The following CNTLN variants were observed in gnomAD, a reference collection of about 807,000 sequenced individuals.
CNTLN encodes centlein, centrosomal protein.
Under a neutral mutation model 180.0 loss-of-function variants are expected in CNTLN, and 212 were observed. The ratio of observed to expected loss-of-function variants is 1.18; its 90% confidence interval spans 1.05 to 1.32. The LOEUF (loss-of-function observed/expected upper bound fraction) is 1.32. Among genes scored for constraint, CNTLN ranks in the 40% most tolerant of loss-of-function variants. The pLI is 0.00. For missense variants in CNTLN, 2,095 were observed against 1,610.9 expected (o/e 1.30, Z -5.14); for synonymous variants, 722 against 563.1 (o/e 1.28, Z -3.99).
At position 17,143,299 on chromosome 9, in the gene CNTLN, A is replaced by G; in HGVS notation, c.372A>G (p.Glu124=). The change falls in exon 2 of 26, where the codon GAA becomes GAG. Residue 124 remains glutamate, a synonymous_variant. Transcript: ENST00000380647. ...TTTATTTCTTTAAGGCTGATAAAGA[A>G]TTTGTATGGTCTTTGTGGAAACGTC... is the stretch of plus-strand genomic sequence containing the variant. The part of the protein sequence containing the change: ...EELALCQADK[E]FVWSLWKRLQ... 6.2e-7 allele frequency: 1 copy of G among 1,612,680 alleles called. No homozygotes were observed. The highest frequency in any genetic ancestry group is 8.5e-7 in the Non-Finnish European group (1 of 1,179,098).
At chr9:17,269,174 T>C (rs1827752885) in intron 5 of CNTLN, among the ~76,000 whole-genome samples, 1 of 152,208 alleles carries the variant, frequency 6.6e-6, no homozygotes, top group South Asian at 2.1e-4. Context: ...TTCGGCCATG[T>C]TGGCTCCATC....
At chr9:17,205,999 A>G (rs1822893837) in intron 2 of CNTLN, among the ~76,000 whole-genome samples, 1 of 147,476 alleles carries the variant, frequency 6.8e-6, no homozygotes, top group Non-Finnish European at 1.5e-5. Context: ...GTCTGCTAGT[A>G]ATAAGTACAT....
At chr9:17,176,441 T>C (rs1427069588) in intron 2 of CNTLN, among the ~76,000 whole-genome samples, 1 of 152,202 alleles carries the variant, frequency 6.6e-6, no homozygotes, top group Non-Finnish European at 1.5e-5. Context: ...CTGGAATAAA[T>C]TTCACTTGGT....
At chr9:17,381,543 A>G (rs1363071848) in intron 13 of CNTLN, among the ~76,000 whole-genome samples, 1 of 152,212 alleles carries the variant, frequency 6.6e-6, no homozygotes, top group Non-Finnish European at 1.5e-5. Flanking sequence ...AGCATCCTGT[A>G]ACATATATTT....
At chr9:17,155,253 C>G (rs928913436) in intron 2 of CNTLN, among the ~76,000 whole-genome samples, 1 of 152,214 alleles carries the variant, frequency 6.6e-6, no homozygotes, top group Non-Finnish European at 1.5e-5. Context: ...GACCAAGAAC[C>G]CACTAGAAGG....
chr9:17,313,505 C>T (rs1167523368), intron 8 of CNTLN, among the ~76,000 whole-genome samples: 1 of 152,006 alleles, frequency 6.6e-6, no homozygotes, highest in East Asian at 1.9e-4. Context: ...TCATTATTCA[C>T]TTAAACGTAA....
chr9:17,193,285 C>G (rs1172174558), intron 2 of CNTLN, among the ~76,000 whole-genome samples: 2 of 152,164 alleles, frequency 1.3e-5, no homozygotes, highest in Non-Finnish European at 2.9e-5. Context: ...TCCATTTCAG[C>G]ATTAACCCAA....
At chr9:17,387,520 G>A (rs1426320155) in intron 13 of CNTLN, among the ~76,000 whole-genome samples, 1 of 151,962 alleles carries the variant, frequency 6.6e-6, no homozygotes, top group Non-Finnish European at 1.5e-5. Context: ...TGTAGGTTTT[G>A]GCTTGGTTGA....
rs1456379699 is a variant in CNTLN at position 17,359,717 on chromosome 9, T to TAAAAAAAAAAAAAA, written c.1887-6895_1887-6894insAAAAAAAAAAAAAA. 8.0e-3 allele frequency among the ~76,000 whole-genome samples: 107 copies of TAAAAAAAAAAAAAA among 13,446 alleles called. 17 individuals carry two copies. The highest frequency in any genetic ancestry group is 0.012 in the South Asian group (4 of 326). The allele number at this position is 13,446 out of a possible 152,430, so 8.8% of individuals were successfully genotyped here. On this transcript the variant is annotated intron_variant, in intron 12 of 25. Coordinates refer to ENST00000380647, the MANE Select transcript of CNTLN (RefSeq NM_017738.4). Reference sequence around the variant, plus strand: ...TAACACGGTGAAACTCCGTCTATACTAAAAATACAAAAAAAAAAAAAAAAA... The same window carrying TAAAAAAAAAAAAAA: ...TAACACGGTGAAACTCCGTCTATACTAAAAAAAAAAAAAAAAAAATACAAAAAAAAAAAAAAAAA...
intron 12 of CNTLN, among the ~76,000 whole-genome samples, chr9:17,362,852 T>C (rs932508814): frequency 6.6e-6 from 1 of 152,180 alleles, no homozygotes; most frequent in Non-Finnish European, 1.5e-5. Context: ...ACCCATCATC[T>C]ACATTAAGTA....
At chr9:17,528,074 A>G in the CNTLN span, among the ~76,000 whole-genome samples, 1 of 152,130 alleles carries the variant, frequency 6.6e-6, no homozygotes, top group Non-Finnish European at 1.5e-5. Context: ...GAAGAAAATA[A>G]AGATAGAAGA....
chr9:17,481,575 A>T (rs991550249), intron 23 of CNTLN, among the ~76,000 whole-genome samples: 12 of 152,140 alleles, frequency 7.9e-5, no homozygotes, highest in Non-Finnish European at 1.5e-4. Flanking sequence ...CTGCTTCATC[A>T]TGCAGCCCAA....
chr9:17,201,356 G>T (rs1822512744), intron 2 of CNTLN, among the ~76,000 whole-genome samples: 1 of 152,220 alleles, frequency 6.6e-6, no homozygotes, highest in Non-Finnish European at 1.5e-5. Flanking sequence ...CATAAAATGA[G>T]TTAGGGAGGA....
intron 14 of CNTLN, 133 bp downstream of exon 14, chr9:17,388,386 C>A: frequency 1.7e-6 from 1 of 585,788 alleles, no homozygotes; most frequent in Non-Finnish European, 2.9e-6. Flanking sequence ...AATTCAAAAT[C>A]ATTGGCTTGC....
chr9:17,361,337 A>G (rs926104094), intron 12 of CNTLN, among the ~76,000 whole-genome samples: 1 of 151,944 alleles, frequency 6.6e-6, no homozygotes, highest in Admixed American at 6.6e-5. Flanking sequence ...AGGCTTGTTT[A>G]TCTCTACTCA....
At chr9:17,190,751 G>A (rs144991534) in intron 2 of CNTLN, among the ~76,000 whole-genome samples, 2,889 of 152,222 alleles carry the variant, frequency 0.019, 59 homozygotes, top group African/African-American at 0.05. Context: ...TATGAGTCTG[G>A]TGAAATGCTG....
intron 18 of CNTLN, among the ~76,000 whole-genome samples, chr9:17,450,298 A>G (rs886366252): frequency 7.2e-5 from 11 of 152,166 alleles, no homozygotes; most frequent in Admixed American, 6.5e-4. Context: ...GCAGACAACT[A>G]CACTTCATGA....
intron 18 of CNTLN, among the ~76,000 whole-genome samples, chr9:17,435,663 A>G (rs1163438078): frequency 6.6e-6 from 1 of 151,864 alleles, no homozygotes; most frequent in Non-Finnish European, 1.5e-5. Flanking sequence ...CCCGGATTCA[A>G]GAGATTCTCC....
At chr9:17,212,634 C>T (rs931127020) in intron 2 of CNTLN, among the ~76,000 whole-genome samples, 2 of 152,134 alleles carry the variant, frequency 1.3e-5, no homozygotes, top group African/African-American at 4.8e-5. Context: ...GGAATGGTAC[C>T]AGCTCCTCCT....
Sources: allele counts gnomAD v4.1 joint callset (sites outside exome capture counted in the v4.1 genomes callset), GRCh38; gene constraint gnomAD v4.1.1; transcripts MANE v1.5; gene names NCBI Gene and HGNC (gene_info 2026-07-23, HGNC 2026-07-21).